MESP1: variants seen among roughly 807,000 people sequenced by gnomAD.
MESP1 encodes mesoderm posterior bHLH transcription factor 1.
MESP1 carries 22 observed loss-of-function variants against 15.2 expected under a neutral mutation model. That is an observed-to-expected ratio of 1.45 (90% CI 1.04 to 2.07). The LOEUF is 2.07. Among genes scored for constraint, MESP1 ranks in the 30% most tolerant of loss-of-function variants. The probability of loss-of-function intolerance (pLI) is 0.00; values close to 1 mark genes in which losing one functional copy is unlikely to be tolerated. For synonymous variants in MESP1, 216 were observed against 192.6 expected (o/e 1.12, Z -1.01); for missense variants, 484 against 411.9 (o/e 1.17, Z -1.51).
chr15:89,741,268 T>C, the MESP1 span, among the ~76,000 whole-genome samples: 48 of 152,214 alleles, frequency 3.2e-4, 1 homozygote, highest in Non-Finnish European at 7.3e-5. Flanking sequence ...TGAGACAGGG[T>C]CATCCAGGCT....
chr15:89,747,878 C>T (rs904388555), downstream of MESP1, among the ~76,000 whole-genome samples: 3 of 152,198 alleles, frequency 2.0e-5, no homozygotes, highest in African/African-American at 4.8e-5. Context: ...CTACTGTTGT[C>T]GGCTCTGTGA....
the MESP1 span, among the ~76,000 whole-genome samples, chr15:89,734,755 C>T: frequency 4.4e-4 from 67 of 152,180 alleles, no homozygotes; most frequent in South Asian, 1.0e-3. Flanking sequence ...GAGGCCAAGG[C>T]GGGTGGACCA....
At chr15:89,743,517 G>T in the MESP1 span, 20 of 853,852 alleles carry the variant, frequency 2.3e-5, no homozygotes, top group African/African-American at 2.7e-4. Flanking sequence ...GGAGTCTGGG[G>T]CCTCTGCAGA....
chr15:89,750,680 C>T lies in MESP1; in HGVS notation c.552G>A (p.Gly184=), dbSNP rs777560400. 1.2e-5 allele frequency: 16 copies of T among 1,360,588 alleles called. No homozygotes were observed. Among genetic ancestry groups the T allele is most frequent in the Non-Finnish European group, 1.1e-5 (12 of 1,062,778 alleles). 84.3% of individuals were successfully genotyped at this position (1,360,588 alleles called of 1,614,324 possible). Reference sequence around the variant, plus strand: ...ATACCAGGCCCAGCCCGCGCCCCTGCCCCTGCCCCTCAGCCTGCGTCCGTG... The same window carrying T: ...ATACCAGGCCCAGCCCGCGCCCCTGTCCCTGCCCCTCAGCCTGCGTCCGTG... The part of the protein sequence containing the change: ...MQTRTQAEGQ[G]QGRGLGLVSA... Residue 184 remains glycine (G), a synonymous_variant, in exon 1 of 2, where the codon GGG becomes GGA. Transcript: ENST00000300057.
At chr15:89,742,218 C>T in the MESP1 span, among the ~76,000 whole-genome samples, 3 of 152,100 alleles carry the variant, frequency 2.0e-5, no homozygotes, top group Non-Finnish European at 4.4e-5. Context: ...GAGACCCCAT[C>T]TCTACATCTA....
Position 89,751,226 on chromosome 15 carries a change from G to C in MESP1, c.6C>G (p.Ala2=), listed in dbSNP as rs1284823078. The change falls in exon 1 of 2, where the codon GCC becomes GCG. Residue 2 remains alanine, a synonymous_variant. Transcript: ENST00000300057. Reference sequence around the variant, plus strand: ...CGGAGAGCGGCGGGCACAGGGGCTGGGCCATGGCAGCGGCGGCGCGTCTGG... The same window carrying C: ...CGGAGAGCGGCGGGCACAGGGGCTGCGCCATGGCAGCGGCGGCGCGTCTGG... M[A]QPLCPPLSES... 6.5e-6 allele frequency: 8 copies of C among 1,238,718 alleles called. No homozygotes were observed. Among genetic ancestry groups the C allele is most frequent in the Non-Finnish European group, 8.1e-6 (8 of 992,360 alleles). The allele number at this position is 1,238,718 out of a possible 1,614,324, so 76.7% of individuals were successfully genotyped here. A position where few individuals can be genotyped will look rare whatever the true frequency, so the allele number is the denominator to read the frequency against.
At chr15:89,737,928 C>A in the MESP1 span, 1 of 1,352,764 alleles carries the variant, frequency 7.4e-7, no homozygotes, top group Non-Finnish European at 1.0e-6. Context: ...CAGCTCAACC[C>A]AGATGACCCA....
chr15:89,736,361 A>AG, the MESP1 span, among the ~76,000 whole-genome samples: 2 of 152,134 alleles, frequency 1.3e-5, no homozygotes, highest in Non-Finnish European at 2.9e-5. Flanking sequence ...CAGGACCCCC[A>AG]GGGGAGGCTC....
chr15:89,750,143 G>C lies in MESP1; in HGVS notation c.*1C>G, dbSNP rs2141754219. 6.2e-7 allele frequency: 1 copy of C among 1,613,822 alleles called. No homozygotes were observed. Among genetic ancestry groups the C allele is most frequent in the East Asian group, 2.2e-5 (1 of 44,882 alleles). ...ACAGAGACGGCGTCAGTTGTCCCTT[G>C]TCACTTGGGCTCCTCAGGCAGCCAC... On this transcript the variant is annotated 3_prime_UTR_variant, in exon 2 of 2. Coordinates refer to ENST00000300057, the MANE Select transcript of MESP1 (RefSeq NM_018670.4).
downstream of MESP1, chr15:89,748,839 C>T (rs1010581195): frequency 5.9e-5 from 9 of 152,160 alleles, no homozygotes; most frequent in African/African-American, 2.2e-4. Context: ...GCTTGCACAA[C>T]TCTGTGGATG....
the MESP1 span, chr15:89,732,995 A>T: frequency 6.2e-7 from 1 of 1,613,184 alleles, no homozygotes; most frequent in Non-Finnish European, 8.5e-7. Context: ...TTGTGTGATT[A>T]CTTTCTCTAG....
the MESP1 span, among the ~76,000 whole-genome samples, chr15:89,739,069 T>C: frequency 4.3e-4 from 64 of 150,532 alleles, no homozygotes; most frequent in African/African-American, 1.5e-3. Flanking sequence ...TGAGCCAAGA[T>C]CGTGCCATTG....
At chr15:89,734,809 A>AC in the MESP1 span, among the ~76,000 whole-genome samples, 2 of 151,286 alleles carry the variant, frequency 1.3e-5, no homozygotes, top group Non-Finnish European at 2.9e-5. Context: ...ACATAGTGAG[A>AC]CCCCTTCTCT....
the MESP1 span, among the ~76,000 whole-genome samples, chr15:89,734,477 AC>A: frequency 6.6e-6 from 1 of 152,178 alleles, no homozygotes; most frequent in Non-Finnish European, 1.5e-5. Context: ...GGAGAGGGCA[AC>A]CATAGCACAC....
At chr15:89,737,615 G>A in the MESP1 span, 1 of 1,614,176 alleles carries the variant, frequency 6.2e-7, no homozygotes, top group Non-Finnish European at 8.5e-7. Context: ...CCTTATGGAT[G>A]TGGCCAAGCG....
chr15:89,735,367 G>T, the MESP1 span: 1 of 953,790 alleles, frequency 1.0e-6, no homozygotes, highest in Non-Finnish European at 1.6e-6. Flanking sequence ...TTGCTACTAT[G>T]AACAGCCTCC....
At chr15:89,734,103 C>A in the MESP1 span, among the ~76,000 whole-genome samples, 32 of 152,278 alleles carry the variant, frequency 2.1e-4, no homozygotes, top group Non-Finnish European at 2.9e-4. Context: ...ATCTCCAGTT[C>A]CATTTGGGCT....
rs1196946061 is a variant in MESP1 at position 89,750,172 on chromosome 15, A to G, written c.779T>C (p.Leu260Pro). The stretch of plus-strand genomic sequence containing the variant: ...CTTGGGCTCCTCAGGCAGCCACTCC[A>G]GAGGCGAGAGGGGCATCCAGGTCTC... ...LLETWMPLSP[L>P]EWLPEEPK Residue 260 changes from leucine to proline, a missense_variant, in exon 2 of 2, where the codon CTG (leucine) becomes CCG (proline). By Grantham distance (98) the Leu-to-Pro change is moderately conservative (BLOSUM62 -3). Coordinates refer to ENST00000300057, the MANE Select transcript of MESP1 (RefSeq NM_018670.4). The G allele has an allele frequency of 2.5e-6, 4 of 1,614,066 alleles. No homozygotes were observed. Among genetic ancestry groups the G allele is most frequent in the Non-Finnish European group, 3.4e-6 (4 of 1,180,008 alleles).
At chr15:89,743,502 C>T in the MESP1 span, 1 of 1,013,934 alleles carries the variant, frequency 9.9e-7, no homozygotes, top group Non-Finnish European at 1.5e-6. Context: ...CACAGGCCTG[C>T]ACTCGGAGTC....
Sources: gnomAD v4.1 joint callset for allele counts (sites outside exome capture counted in the v4.1 genomes callset) on GRCh38, gnomAD v4.1.1 for gene constraint, MANE v1.5 for transcripts, NCBI Gene and HGNC (gene_info 2026-07-23, HGNC 2026-07-21) for gene names.